The following RBFOX1 variants were observed in gnomAD, a reference collection of about 807,000 sequenced individuals.
RBFOX1 encodes the protein RNA binding protein fox-1 homolog 1.
Under a neutral mutation model 57.7 loss-of-function variants are expected in RBFOX1, and 8 were observed. That is an observed-to-expected ratio of 0.14 (90% CI 0.08 to 0.25). The LOEUF (loss-of-function observed/expected upper bound fraction) is 0.25. Among genes scored for constraint, RBFOX1 ranks in the 10% least tolerant of loss-of-function variants. RBFOX1 has a pLI of 1.00. For synonymous variants in RBFOX1, 326 were observed against 222.4 expected (o/e 1.47, Z -4.15); for missense variants, 611 against 548.5 (o/e 1.11, Z -1.14).
At chr16:7,666,516 G>A (rs1306791096) in intron 13 of RBFOX1, among the ~76,000 whole-genome samples, 1 of 152,100 alleles carries the variant, frequency 6.6e-6, no homozygotes, top group African/African-American at 2.4e-5. Context: ...AATGTGTGGT[G>A]TCTTATGCAG....
chr16:7,039,982 T>C (rs1020760126), intron 3 of RBFOX1, among the ~76,000 whole-genome samples: 1 of 150,652 alleles, frequency 6.6e-6, no homozygotes, highest in African/African-American at 2.4e-5. Context: ...ATTTACTCTT[T>C]TGGTGCTATG....
chr16:6,002,444 G>A lies in RBFOX1; in HGVS notation c.351+135109G>A, dbSNP rs144533150. Reference sequence around the variant, plus strand: ...GTTAACAAGACTCACTTTCCACATGGCATGCACCTTTGCATTTTGAACTGA... The same window carrying A: ...GTTAACAAGACTCACTTTCCACATGACATGCACCTTTGCATTTTGAACTGA... On this transcript the variant is annotated intron_variant, in intron 4 of 19. Transcript: ENST00000641259. Among the ~76,000 whole-genome samples, 321 of 152,280 alleles carry A rather than the reference G, an allele frequency of 2.1e-3. 1 individual carries two copies. The highest frequency in any genetic ancestry group is 7.6e-3 in the African/African-American group (314 of 41,554).
intron 1 of RBFOX1, among the ~76,000 whole-genome samples, chr16:6,159,394 G>A (rs559434223): frequency 2.6e-5 from 4 of 152,046 alleles, no homozygotes; most frequent in African/African-American, 7.2e-5. Context: ...TAGGTTTTTG[G>A]GGGGAGAAGC....
chr16:5,945,973 A>G (rs2059392479), intron 4 of RBFOX1, among the ~76,000 whole-genome samples: 1 of 152,248 alleles, frequency 6.6e-6, no homozygotes. Context: ...CTCTGAGTCT[A>G]GTACCAGGGA....
chr16:7,286,923 C>A lies in RBFOX1; in HGVS notation c.28-231224C>A, dbSNP rs963951848. 5.3e-5 allele frequency among the ~76,000 whole-genome samples: 8 copies of A among 152,146 alleles called. No homozygotes were observed. The East Asian group carries it at 1.2e-3, about 22-fold the overall frequency. On this transcript the variant is annotated intron_variant, in intron 4 of 15. Transcript: ENST00000550418. ...GGATTACAGGCATGAGTCACCATGC[C>A]TGGCCCTGGGCTTCAAACTTTAAAG...
At chr16:7,156,179 A>G (rs1399907495) in intron 4 of RBFOX1, among the ~76,000 whole-genome samples, 1 of 150,686 alleles carries the variant, frequency 6.6e-6, no homozygotes, top group Non-Finnish European at 1.5e-5. Context: ...CGATCCCTCA[A>G]CTCTTGATTC....
At chr16:5,481,147 C>T (rs1244546234) in intron 2 of RBFOX1, among the ~76,000 whole-genome samples, 1 of 152,192 alleles carries the variant, frequency 6.6e-6, no homozygotes, top group African/African-American at 2.4e-5. Flanking sequence ...TCTTCACAAC[C>T]TCTGCGGAGG....
chr16:6,177,188 T>A (rs1241487806), intron 1 of RBFOX1, among the ~76,000 whole-genome samples: 1 of 134,000 alleles, frequency 7.5e-6, no homozygotes, highest in Non-Finnish European at 1.6e-5. Context: ...TCTTGTTTGT[T>A]TTTTTTTTTT....
chr16:6,305,504 C>G (rs143543575), intron 1 of RBFOX1, among the ~76,000 whole-genome samples: 1 of 152,042 alleles, frequency 6.6e-6, no homozygotes, highest in African/African-American at 2.4e-5. Context: ...TTATCAGTCC[C>G]AGATAGATAT....
chr16:6,723,261 C>T (rs1386226853), intron 3 of RBFOX1, among the ~76,000 whole-genome samples: 1 of 152,190 alleles, frequency 6.6e-6, no homozygotes, highest in Non-Finnish European at 1.5e-5. Context: ...CAAGCAGTTT[C>T]TTCGTGTTTC....
chr16:5,838,992 TG>T (rs2056545161), intron 3 of RBFOX1, among the ~76,000 whole-genome samples: 1 of 152,166 alleles, frequency 6.6e-6, no homozygotes, highest in Admixed American at 6.5e-5. Context: ...AAAGTATTTT[TG>T]GTTTCACAGC....
intron 2 of RBFOX1, among the ~76,000 whole-genome samples, chr16:6,629,150 T>C (rs1258830729): frequency 6.6e-6 from 1 of 152,248 alleles, no homozygotes; most frequent in Non-Finnish European, 1.5e-5. Context: ...GTGTATAATT[T>C]ACATTGATAA....
intron 3 of RBFOX1, among the ~76,000 whole-genome samples, chr16:6,767,427 C>T (rs564003715): frequency 6.6e-6 from 1 of 152,290 alleles, no homozygotes; most frequent in South Asian, 2.1e-4. Context: ...GAATGTAGCC[C>T]TGCTGCAATC....
At chr16:6,245,390 G>A (rs561265832) in intron 1 of RBFOX1, among the ~76,000 whole-genome samples, 1 of 152,178 alleles carries the variant, frequency 6.6e-6, no homozygotes, top group South Asian at 2.1e-4. Flanking sequence ...CTAAGGCCAT[G>A]TATCTGCACC....
intron 1 of RBFOX1, among the ~76,000 whole-genome samples, chr16:6,156,179 TC>T (rs1321704680): frequency 1.3e-5 from 2 of 152,202 alleles, no homozygotes; most frequent in Non-Finnish European, 2.9e-5. Context: ...TTTATGTTTT[TC>T]CTAATAGAGG....
chr16:6,555,784 G>A (rs1340868924), intron 2 of RBFOX1, among the ~76,000 whole-genome samples: 5 of 152,164 alleles, frequency 3.3e-5, no homozygotes, highest in Non-Finnish European at 1.5e-5. Context: ...ACGCACTTGT[G>A]TGTAGTTGCA....
chr16:7,044,620 G>A (rs117421058), intron 3 of RBFOX1, among the ~76,000 whole-genome samples: 1,667 of 152,240 alleles, frequency 0.011, 15 homozygotes, highest in Non-Finnish European at 0.018. Context: ...GCATCTTAAA[G>A]GAACAGCGCC....
At chr16:6,512,627 A>G (rs956316185) in intron 2 of RBFOX1, among the ~76,000 whole-genome samples, 1 of 152,216 alleles carries the variant, frequency 6.6e-6, no homozygotes, top group South Asian at 2.1e-4. Context: ...ACACATTTCC[A>G]GAGTTCTCCC....
chr16:5,780,709 GC>G (rs1433220621), intron 3 of RBFOX1, among the ~76,000 whole-genome samples: 2 of 152,146 alleles, frequency 1.3e-5, no homozygotes, highest in African/African-American at 4.8e-5. Flanking sequence ...AGGCCACTCA[GC>G]TTCTGAAATT....
Sources: gnomAD v4.1 joint callset for allele counts (sites outside exome capture counted in the v4.1 genomes callset) on GRCh38, gnomAD v4.1.1 for gene constraint, MANE v1.5 for transcripts, NCBI Gene and HGNC (gene_info 2026-07-23, HGNC 2026-07-21) for gene names.